CILK1: variants seen among roughly 807,000 people sequenced by gnomAD.
CILK1 encodes ciliogenesis associated kinase 1.
Under a neutral mutation model 79.2 loss-of-function variants are expected in CILK1, and 47 were observed. The ratio of observed to expected loss-of-function variants is 0.59; its 90% CI spans 0.47 to 0.76. CILK1 has a LOEUF of 0.76. Among genes scored for constraint, CILK1 ranks in the 30% least tolerant of loss-of-function variants. The pLI is 0.00. For missense variants in CILK1, 660 were observed against 769.5 expected (o/e 0.86, Z 1.68); for synonymous variants, 266 against 275.9 (o/e 0.96, Z 0.36).
intron 1 of CILK1, among the ~76,000 whole-genome samples, chr6:53,041,804 G>C (rs1022604444): frequency 3.3e-5 from 5 of 152,094 alleles, no homozygotes; most frequent in Admixed American, 1.3e-4. Context: ...CCTGCAATTG[G>C]TGCCTGTCTA....
Position 53,026,915 on chromosome 6 carries a change from T to C in CILK1, c.358+4150A>G, listed in dbSNP as rs1230399327. ...TTTTCTTTCATCCTGGCAGAAAATG[T>C]GTGTGCTTACTTTTTCATTAATAAC... On this transcript the variant is annotated intron_variant, in intron 5 of 13. Coordinates refer to ENST00000676107, the MANE Select transcript of CILK1 (RefSeq NM_014920.5). 6.6e-5 allele frequency among the ~76,000 whole-genome samples: 10 copies of C among 152,176 alleles called. 1 individual carries two copies. Among genetic ancestry groups the C allele is most frequent in the Admixed American group, 6.5e-4 (10 of 15,276 alleles).
At chr6:53,010,843 G>T (rs1764529749) in intron 11 of CILK1, among the ~76,000 whole-genome samples, 1 of 152,222 alleles carries the variant, frequency 6.6e-6, no homozygotes, top group Admixed American at 6.5e-5. Flanking sequence ...AGCTGTGTGA[G>T]GGTGAGGATG....
At chr6:53,032,811 C>T (rs559196565) in intron 3 of CILK1, among the ~76,000 whole-genome samples, 157 bp from the exon 4 acceptor site, 3 of 152,122 alleles carry the variant, frequency 2.0e-5, no homozygotes, top group Admixed American at 2.0e-4. Flanking sequence ...TAATAGTATA[C>T]CTCTGAAATT....
chr6:53,016,827 C>T (rs1764920083), intron 7 of CILK1, among the ~76,000 whole-genome samples: 1 of 152,192 alleles, frequency 6.6e-6, no homozygotes, highest in Admixed American at 6.5e-5. Flanking sequence ...AAGAAATGGT[C>T]TTTAAGGTTC....
chr6:53,046,621 T>G (rs1257627766), intron 1 of CILK1, among the ~76,000 whole-genome samples: 1 of 152,218 alleles, frequency 6.6e-6, no homozygotes, highest in Non-Finnish European at 1.5e-5. Context: ...TAATGCTACT[T>G]CAGGTAATTA....
chr6:53,008,793 T>C (rs1764390391), intron 12 of CILK1, among the ~76,000 whole-genome samples: 1 of 152,194 alleles, frequency 6.6e-6, no homozygotes, highest in African/African-American at 2.4e-5. Context: ...TCTCTTTCTT[T>C]TTTATTTTCC....
chr6:53,049,759 G>T (rs550600767), intron 1 of CILK1, among the ~76,000 whole-genome samples: 1 of 152,272 alleles, frequency 6.6e-6, no homozygotes, highest in South Asian at 2.1e-4. Flanking sequence ...ACAGGGTCTT[G>T]CTCTGTCTCC....
chr6:53,050,963 G>A (rs1349945358), intron 1 of CILK1, among the ~76,000 whole-genome samples: 1 of 152,112 alleles, frequency 6.6e-6, no homozygotes, highest in African/African-American at 2.4e-5. Flanking sequence ...AAGGCCCTAC[G>A]TTCAGTACTG....
At chr6:53,009,172 A>G (rs773964971) in intron 12 of CILK1, among the ~76,000 whole-genome samples, 2 of 152,134 alleles carry the variant, frequency 1.3e-5, no homozygotes, top group Admixed American at 6.5e-5. Flanking sequence ...AAGAGTCTGT[A>G]AAGGTATTTT....
chr6:53,047,465 T>C (rs919668894), intron 1 of CILK1, among the ~76,000 whole-genome samples: 7 of 119,400 alleles, frequency 5.9e-5, no homozygotes, highest in Admixed American at 4.0e-4. Flanking sequence ...ACTACCAGGC[T>C]TTTTTTTTTT....
At chr6:53,017,021 G>A (rs540958978) in intron 7 of CILK1, among the ~76,000 whole-genome samples, 6 of 152,212 alleles carry the variant, frequency 3.9e-5, no homozygotes, top group Non-Finnish European at 7.3e-5. Context: ...TAAATCCTGC[G>A]CTTAAGAGTA....
intron 5 of CILK1, among the ~76,000 whole-genome samples, chr6:53,030,424 T>C (rs1048206995): frequency 6.6e-6 from 1 of 152,236 alleles, no homozygotes; most frequent in Non-Finnish European, 1.5e-5. Flanking sequence ...GGTCTCTTTT[T>C]ACCTATGTGT....
In CILK1 at chr6:53,060,179, A is replaced by G. The variant is rs139845452; in HGVS notation, c.-173+1417T>C. 2.0e-5 allele frequency among the ~76,000 whole-genome samples: 3 copies of G among 152,392 alleles called. No individual in the cohort carries two copies. The East Asian group carries it at 5.8e-4, about 29-fold the overall frequency. ...GGGCTCTGATGATGTTGAACAGTCAATAAATAAAACTGCTAAATGGCTTGT... is the reference window on the plus strand; with the variant it reads ...GGGCTCTGATGATGTTGAACAGTCAGTAAATAAAACTGCTAAATGGCTTGT... On this transcript the variant is annotated intron_variant, in intron 1 of 13. Coordinates refer to ENST00000676107, the MANE Select transcript of CILK1 (RefSeq NM_014920.5).
chr6:53,051,043 TG>T (rs1435550016), intron 1 of CILK1, among the ~76,000 whole-genome samples: 1 of 151,440 alleles, frequency 6.6e-6, no homozygotes, highest in Non-Finnish European at 1.5e-5. Flanking sequence ...GTTGGAGAGG[TG>T]GGAAATACAC....
chr6:53,023,050 C>T (rs1018771111), intron 5 of CILK1, among the ~76,000 whole-genome samples: 14 of 152,048 alleles, frequency 9.2e-5, no homozygotes, highest in Non-Finnish European at 1.9e-4. Flanking sequence ...TCTCCTGCCT[C>T]AGCCTCCTGA....
At chr6:53,033,218 C>T (rs142492032) in intron 3 of CILK1, among the ~76,000 whole-genome samples, 20 of 152,262 alleles carry the variant, frequency 1.3e-4, no homozygotes, top group Non-Finnish European at 2.6e-4. Context: ...CAGAAGGAGA[C>T]GGAAGGACCC....
At chr6:53,020,821 T>A (rs2127422403) in intron 5 of CILK1, among the ~76,000 whole-genome samples, 1 of 152,324 alleles carries the variant, frequency 6.6e-6, no homozygotes, top group South Asian at 2.1e-4. Context: ...CTAATGTGCC[T>A]TCTCTACCCT....
chr6:53,030,939 G>T, intron 5 of CILK1, 126 bp downstream of exon 5: 1 of 704,236 alleles, frequency 1.4e-6, no homozygotes. Context: ...AAAATCCATT[G>T]TCAGCCTCTC....
chr6:53,052,230 T>G (rs954551844), intron 1 of CILK1, among the ~76,000 whole-genome samples: 1 of 152,224 alleles, frequency 6.6e-6, no homozygotes, highest in African/African-American at 2.4e-5. Context: ...AAGGACATGA[T>G]CTCATACCAT....
Sources: allele counts gnomAD v4.1 joint callset (sites outside exome capture counted in the v4.1 genomes callset), GRCh38; gene constraint gnomAD v4.1.1; transcripts MANE v1.5; gene names NCBI Gene and HGNC (gene_info 2026-07-23, HGNC 2026-07-21).